Variants in MMP24 observed in about 807,000 individuals in gnomAD.
The protein encoded by MMP24 is matrix metallopeptidase 24.
In MMP24, 25 loss-of-function variants were observed where a neutral mutation model predicts 62.8. The observed-to-expected ratio is 0.40, with a 90% CI of 0.29 to 0.56. The LOEUF is 0.56. Ranked by LOEUF, MMP24 falls within the 20% of genes least tolerant of loss-of-function variation. MMP24 has a pLI of 0.50. For synonymous variants in MMP24, 319 were observed against 350.5 expected (o/e 0.91, Z 1.00); for missense variants, 634 against 853.6 (o/e 0.74, Z 3.21).
intron 1 of MMP24, among the ~76,000 whole-genome samples, chr20:35,235,375 G>GTGGC (rs1415506419): frequency 1.3e-5 from 2 of 152,150 alleles, no homozygotes; most frequent in Non-Finnish European, 2.9e-5. Flanking sequence ...CTGCACTGCA[G>GTGGC]CCTGGGCCAT....
intron 4 of MMP24, among the ~76,000 whole-genome samples, chr20:35,262,229 A>C (rs1188965097): frequency 6.6e-6 from 1 of 152,124 alleles, no homozygotes; most frequent in Non-Finnish European, 1.5e-5. Context: ...GAAAGAAATA[A>C]GGGGACCCAG....
Position 35,274,407 on chromosome 20 carries a change from A to T in MMP24, c.1736A>T (p.Glu579Val). 1 of 1,613,878 alleles carries T rather than the reference A, an allele frequency of 6.2e-7. No individual in the cohort carries two copies. The highest frequency in any genetic ancestry group is 8.5e-7 in the Non-Finnish European group (1 of 1,179,864). Residue 579 changes from glutamate to valine, a missense_variant, in exon 9 of 9, where the codon GAG becomes GTG. Physicochemically the swap from Glu to Val is moderately radical, Grantham distance 121. Around this residue, in one of 3 missense-constraint regions of MMP24, gnomAD observed 399 missense variants for 530.8 expected, o/e 0.75. Transcript: ENST00000246186. This position sits in a 1 kb window ranked among gnomAD's most constrained non-coding sequence, Gnocchi z 5.1. ...CNQKEVERRK[E>V]RRLPQDDVDI... Reference sequence around the variant, plus strand: ...CAGAAGGAGGTGGAGCGGCGGAAGGAGCGGCGGCTGCCCCAGGACGACGTG... The same window carrying T: ...CAGAAGGAGGTGGAGCGGCGGAAGGTGCGGCGGCTGCCCCAGGACGACGTG...
At chr20:35,267,798 C>A in intron 6 of MMP24, 1 of 284,604 alleles carries the variant, frequency 3.5e-6, no homozygotes, top group Non-Finnish European at 6.8e-6. Flanking sequence ...AGATGGTCAA[C>A]TTGGAGTAGG....
Position 35,275,895 on chromosome 20 carries a change from C to T in MMP24, c.*1286C>T, listed in dbSNP as rs1036480063. ...GCTCCCTTTTTGACCTTCACTGGCC[C>T]GCCCTTCACTGTCTCCAGCAGGAGT... On this transcript the variant is annotated 3_prime_UTR_variant, in exon 9 of 9. Coordinates refer to ENST00000246186, the MANE Select transcript of MMP24 (RefSeq NM_006690.4). 1.3e-5 allele frequency: 5 copies of T among 397,666 alleles called. No homozygotes were observed. Among genetic ancestry groups the T allele is most frequent in the African/African-American group, 8.2e-5 (4 of 48,618 alleles). The allele number at this position is 397,666 out of a possible 1,614,324, so 24.6% of individuals were successfully genotyped here.
chr20:35,247,969 A>G (rs2060524171), intron 2 of MMP24, among the ~76,000 whole-genome samples: 1 of 152,162 alleles, frequency 6.6e-6, no homozygotes, highest in African/African-American at 2.4e-5. Flanking sequence ...TTTGTCTAAG[A>G]TAGGAGAGAG....
In MMP24 at chr20:35,271,966, A is replaced by G; in HGVS notation, c.1600+131A>G. The stretch of plus-strand genomic sequence containing the variant: ...ACACCTGGTGGCAGACAACTGCCTC[A>G]TATCTACCCATGTTCACGTGGTCCA... On this transcript the variant is annotated intron_variant, in intron 8 of 8. Transcript: ENST00000246186. The surrounding 1 kb of genome is among the most constrained non-coding windows in gnomAD (Gnocchi z 4.0). 7 of 986,308 alleles carry G rather than the reference A, an allele frequency of 7.1e-6. No homozygotes were observed. The highest frequency in any genetic ancestry group is 5.1e-5 in the South Asian group (3 of 58,452). The allele number at this position is 986,308 out of a possible 1,614,324, so 61.1% of individuals were successfully genotyped here. A position where few individuals can be genotyped will look rare whatever the true frequency, so the allele number is the denominator to read the frequency against.
At position 35,276,065 on chromosome 20, in the gene MMP24, G is replaced by GT. The variant is rs2060703794; in HGVS notation, c.*1456_*1457insT. On this transcript the variant is annotated 3_prime_UTR_variant, in exon 9 of 9. Coordinates refer to ENST00000246186, the MANE Select transcript of MMP24 (RefSeq NM_006690.4). Reference sequence around the variant, plus strand: ...AAAGGTGTCAGGCAGTCTCCAGCGTGCTGGCCGGGTCTCGGATGCCACCCC... The same window carrying GT: ...AAAGGTGTCAGGCAGTCTCCAGCGTGTCTGGCCGGGTCTCGGATGCCACCCC... The GT allele has an allele frequency of 2.5e-6, 1 of 398,782 alleles. No homozygotes were observed. The highest frequency in any genetic ancestry group is 3.6e-5 in the East Asian group (1 of 28,076). The allele number at this position is 398,782 out of a possible 1,614,324, so 24.7% of individuals were successfully genotyped here. A position where few individuals can be genotyped will look rare whatever the true frequency, so the allele number is the denominator to read the frequency against.
chr20:35,254,574 A>G lies in MMP24; in HGVS notation c.637A>G (p.Ser213Gly). The G allele has an allele frequency of 1.2e-6, 2 of 1,614,070 alleles. No individual in the cohort carries two copies. Among genetic ancestry groups the G allele is most frequent in the Middle Eastern group, 3.3e-4 (2 of 6,062 alleles). ...AGAGGTGCCATACCATGAGATCAAA[A>G]GTGACCGGAAGGAGGCAGACATCAT... ...FEEVPYHEIK[S>G]DRKEADIMIF... Residue 213 changes from serine to glycine, a missense_variant, in exon 4 of 9, where the codon AGT (serine) becomes GGT (glycine). By Grantham distance (56) the Ser-to-Gly change is moderately conservative. Transcript: ENST00000246186.
intron 5 of MMP24, among the ~76,000 whole-genome samples, 152 bp from the exon 6 acceptor site, chr20:35,267,053 T>C (rs953646658): frequency 8.5e-5 from 13 of 152,082 alleles, no homozygotes; most frequent in Non-Finnish European, 1.5e-4. Context: ...TTTCATCCAT[T>C]TTCTCAAAGA....
At chr20:35,258,518 G>A (rs2060586231) in intron 4 of MMP24, among the ~76,000 whole-genome samples, 1 of 152,116 alleles carries the variant, frequency 6.6e-6, no homozygotes, top group Non-Finnish European at 1.5e-5. Flanking sequence ...CAGGTGTCCC[G>A]AGTATAATCA....
At chr20:35,254,093 T>C (rs978670008) in intron 3 of MMP24, among the ~76,000 whole-genome samples, 13 of 152,210 alleles carry the variant, frequency 8.5e-5, no homozygotes, top group Admixed American at 8.5e-4. Flanking sequence ...GGTCTCGAAC[T>C]CCTGACCTCA....
chr20:35,243,615 G>C (rs1355125620), intron 1 of MMP24, among the ~76,000 whole-genome samples: 1 of 152,098 alleles, frequency 6.6e-6, no homozygotes, highest in Non-Finnish European at 1.5e-5. Context: ...CACTTTGGGA[G>C]GAGGAGAAGG....
intron 5 of MMP24, among the ~76,000 whole-genome samples, chr20:35,265,468 T>C (rs1482504955): frequency 6.6e-6 from 1 of 151,934 alleles, no homozygotes; most frequent in Non-Finnish European, 1.5e-5. Context: ...TAGGCTGGAA[T>C]ACTTATTTGG....
chr20:35,260,555 G>A (rs1168337991), intron 4 of MMP24, among the ~76,000 whole-genome samples: 1 of 152,240 alleles, frequency 6.6e-6, no homozygotes, highest in Admixed American at 6.5e-5. Context: ...TGGACCCCAG[G>A]AAGCAGAGCT....
Position 35,269,006 on chromosome 20 carries a change from G to A in MMP24, c.1195-754G>A, listed in dbSNP as rs1324692238. On this transcript the variant is annotated intron_variant, in intron 6 of 8. Transcript: ENST00000246186. This position sits in a 1 kb window ranked among gnomAD's most constrained non-coding sequence, Gnocchi z 4.6. The stretch of plus-strand genomic sequence containing the variant: ...TGCGCCACTGCACTCCAGCCTGGGT[G>A]ACAGAGCGAGACTCCATCTAAAAAA... Among the ~76,000 whole-genome samples the A allele has an allele frequency of 2.8e-5, 4 of 143,368 alleles. No homozygotes were observed. The highest frequency in any genetic ancestry group is 6.1e-5 in the Non-Finnish European group (4 of 65,982). 94.1% of individuals were successfully genotyped at this position (143,368 alleles called of 152,430 possible).
intron 1 of MMP24, among the ~76,000 whole-genome samples, chr20:35,242,080 C>T (rs937224610): frequency 6.6e-6 from 1 of 152,192 alleles, no homozygotes; most frequent in Non-Finnish European, 1.5e-5. Flanking sequence ...GCCTGTAATC[C>T]CAGCACTTAC....
chr20:35,251,607 T>C (rs1405493520), intron 2 of MMP24, among the ~76,000 whole-genome samples: 1 of 152,162 alleles, frequency 6.6e-6, no homozygotes, highest in South Asian at 2.1e-4. Context: ...GAGGTTCATA[T>C]TGGTTCAGCC....
intron 4 of MMP24, among the ~76,000 whole-genome samples, chr20:35,257,847 A>G (rs2060582389): frequency 6.6e-6 from 1 of 152,232 alleles, no homozygotes; most frequent in Non-Finnish European, 1.5e-5. Flanking sequence ...CCAAGCAGGA[A>G]CTGTCCAGAT....
chr20:35,233,361 A>T (rs1434401196), intron 1 of MMP24, among the ~76,000 whole-genome samples: 2 of 152,176 alleles, frequency 1.3e-5, no homozygotes, highest in Non-Finnish European at 2.9e-5. Flanking sequence ...GTGAGCCAGG[A>T]TTGAACTACT....
Sources: allele counts gnomAD v4.1 joint callset (sites outside exome capture counted in the v4.1 genomes callset), GRCh38; gene constraint gnomAD v4.1.1; regional missense constraint gnomAD v4.1.1; non-coding constraint Gnocchi (gnomAD v3.1); transcripts MANE v1.5; gene names NCBI Gene and HGNC (gene_info 2026-07-23, HGNC 2026-07-21).